The following SYNPO2 variants were observed in gnomAD, a reference collection of about 807,000 sequenced individuals.
The protein encoded by SYNPO2 is synaptopodin 2.
In SYNPO2, 56 loss-of-function variants were observed where a neutral mutation model predicts 85.0. That is an observed-to-expected ratio of 0.66 (90% CI 0.53 to 0.82). SYNPO2 has a LOEUF of 0.82. Ranked by LOEUF, SYNPO2 falls within the 40% of genes least tolerant of loss-of-function variation. The pLI, the probability that SYNPO2 is intolerant of heterozygous loss-of-function variation, is 0.00. For synonymous variants in SYNPO2, 602 were observed against 591.1 expected (o/e 1.02, Z -0.27); for missense variants, 1,575 against 1,534.2 (o/e 1.03, Z -0.44).
At chr4:118,881,873 C>A (rs1301231876) in intron 1 of SYNPO2, among the ~76,000 whole-genome samples, 3 of 152,242 alleles carry the variant, frequency 2.0e-5, no homozygotes, top group Non-Finnish European at 4.4e-5. Context: ...GGAAACCACA[C>A]AAGTATTCCA....
At chr4:118,999,374 G>A (rs544601996) in intron 1 of SYNPO2, among the ~76,000 whole-genome samples, 348 of 151,972 alleles carry the variant, frequency 2.3e-3, no homozygotes, top group African/African-American at 7.8e-3. Context: ...CTGGTCTCAA[G>A]CTCCTGGGTT....
intron 1 of SYNPO2, among the ~76,000 whole-genome samples, chr4:118,923,706 G>T (rs1002259797): frequency 6.6e-6 from 1 of 151,996 alleles, no homozygotes; most frequent in Non-Finnish European, 1.5e-5. Flanking sequence ...GTAGATCCTG[G>T]CTGTTGAGTC....
chr4:118,917,824 C>T (rs1483065904), intron 1 of SYNPO2, among the ~76,000 whole-genome samples: 1 of 152,058 alleles, frequency 6.6e-6, no homozygotes, highest in African/African-American at 2.4e-5. Context: ...CATTCTGAGA[C>T]ACTGATAAAA....
At chr4:118,926,227 A>G (rs1238568123) in intron 1 of SYNPO2, among the ~76,000 whole-genome samples, 1 of 152,210 alleles carries the variant, frequency 6.6e-6, no homozygotes, top group Non-Finnish European at 1.5e-5. Context: ...ATTGCAAGCA[A>G]TGATACAACT....
At chr4:118,905,590 T>C (rs1732907480) in intron 1 of SYNPO2, among the ~76,000 whole-genome samples, 1 of 152,020 alleles carries the variant, frequency 6.6e-6, no homozygotes, top group Non-Finnish European at 1.5e-5. Flanking sequence ...TTTCCAGGAG[T>C]GCGTTTCAAC....
chr4:119,001,557 A>T (rs77563988), intron 1 of SYNPO2, among the ~76,000 whole-genome samples: 3,490 of 152,286 alleles, frequency 0.023, 138 homozygotes, highest in African/African-American at 0.079. Flanking sequence ...TTCACAGGTC[A>T]CTCAAATCCA....
chr4:118,908,708 C>T (rs951034658), intron 1 of SYNPO2, among the ~76,000 whole-genome samples: 1 of 152,074 alleles, frequency 6.6e-6, no homozygotes, highest in Non-Finnish European at 1.5e-5. Flanking sequence ...AGGTTGTGCA[C>T]ATGATAAAGC....
intron 1 of SYNPO2, among the ~76,000 whole-genome samples, chr4:118,943,964 C>T (rs762266264): frequency 6.6e-6 from 1 of 152,108 alleles, no homozygotes; most frequent in African/African-American, 2.4e-5. Context: ...GTGGAAGTAA[C>T]GCCACATTTG....
At chr4:118,929,628 T>G (rs1248028000) in intron 1 of SYNPO2, among the ~76,000 whole-genome samples, 7 of 152,184 alleles carry the variant, frequency 4.6e-5, no homozygotes, top group Non-Finnish European at 7.4e-5. Flanking sequence ...CTCATTTTTT[T>G]TTGTTGTACA....
At chr4:118,902,461 C>G (rs1048972106) in intron 1 of SYNPO2, among the ~76,000 whole-genome samples, 4 of 152,100 alleles carry the variant, frequency 2.6e-5, no homozygotes, top group Admixed American at 1.3e-4. Context: ...AGGGGTTTCC[C>G]CTTATAAAAC....
chr4:118,893,611 G>T (rs922159358), intron 1 of SYNPO2, among the ~76,000 whole-genome samples: 1 of 152,104 alleles, frequency 6.6e-6, no homozygotes, highest in African/African-American at 2.4e-5. Context: ...GGTCCCAAAA[G>T]GAAAGATTAT....
intron 1 of SYNPO2, among the ~76,000 whole-genome samples, chr4:118,851,227 A>T (rs56302493): frequency 0.041 from 6,264 of 152,274 alleles, 200 homozygotes; most frequent in Non-Finnish European, 0.064. Flanking sequence ...TATTTAAGAC[A>T]GTCTTTCAAC....
chr4:118,893,584 T>C (rs1732443336), intron 1 of SYNPO2, among the ~76,000 whole-genome samples: 1 of 152,176 alleles, frequency 6.6e-6, no homozygotes, highest in African/African-American at 2.4e-5. Context: ...CCCGAGAGGA[T>C]AAAAGTAGGT....
chr4:119,060,400 T>C lies in SYNPO2; in HGVS notation c.*2466T>C, dbSNP rs1739374779. ...TTTGAAAAGTCATACTTTGCAGATATGAACCTGAAAATCAAAGTGCCATTG... is the reference window on the plus strand; with the variant it reads ...TTTGAAAAGTCATACTTTGCAGATACGAACCTGAAAATCAAAGTGCCATTG... On this transcript the variant is annotated 3_prime_UTR_variant, in exon 5 of 5. Transcript: ENST00000307142. The C allele has an allele frequency of 6.6e-6, 1 of 152,204 alleles. No homozygotes were observed. Among genetic ancestry groups the C allele is most frequent in the South Asian group, 2.1e-4 (1 of 4,836 alleles). 9.4% of individuals were successfully genotyped at this position (152,204 alleles called of 1,614,324 possible). A position where few individuals can be genotyped will look rare whatever the true frequency, so the allele number is the denominator to read the frequency against.
intron 4 of SYNPO2, chr4:119,032,529 G>A (rs1357631270): frequency 5.5e-5 from 55 of 1,006,628 alleles, no homozygotes; most frequent in Non-Finnish European, 6.5e-5. Flanking sequence ...ATCTATGAAG[G>A]ACAGGGAGCA....
At chr4:118,948,638 G>C (rs913753718) in intron 1 of SYNPO2, among the ~76,000 whole-genome samples, 2 of 152,126 alleles carry the variant, frequency 1.3e-5, no homozygotes, top group Non-Finnish European at 2.9e-5. Context: ...GGGAAGGGGA[G>C]CAGGCATCAA....
Position 119,029,903 on chromosome 4 carries a change from C to T in SYNPO2, c.1128C>T (p.Cys376=), listed in dbSNP as rs766910780. ...EKQVKEAKSK[C]KSIALLLTDA... Reference sequence around the variant, plus strand: ...AAGTGAAGGAAGCAAAATCTAAATGCAAAAGCATTGCCCTTCTTCTAACGG... The same window carrying T: ...AAGTGAAGGAAGCAAAATCTAAATGTAAAAGCATTGCCCTTCTTCTAACGG... Residue 376 remains cysteine (C), a synonymous_variant, in exon 4 of 5, where the codon TGC becomes TGT. Transcript: ENST00000307142. The T allele has an allele frequency of 1.8e-5, 29 of 1,607,124 alleles. No individual in the cohort carries two copies. Among genetic ancestry groups the T allele is most frequent in the Non-Finnish European group, 2.0e-5 (23 of 1,175,018 alleles).
chr4:119,003,718 T>G (rs1271489783), intron 1 of SYNPO2, among the ~76,000 whole-genome samples: 1 of 152,172 alleles, frequency 6.6e-6, no homozygotes, highest in Non-Finnish European at 1.5e-5. Flanking sequence ...AGGCTTTCCT[T>G]TAGATTAGAA....
chr4:118,896,642 C>T (rs1362785791), intron 1 of SYNPO2, among the ~76,000 whole-genome samples: 1 of 152,144 alleles, frequency 6.6e-6, no homozygotes, highest in Admixed American at 6.5e-5. Context: ...GTCTATCATT[C>T]TTTTCTGTTT....
Sources: gnomAD v4.1 joint callset for allele counts (sites outside exome capture counted in the v4.1 genomes callset) on GRCh38, gnomAD v4.1.1 for gene constraint, MANE v1.5 for transcripts, NCBI Gene and HGNC (gene_info 2026-07-23, HGNC 2026-07-21) for gene names.